The following BTBD9 variants were observed in gnomAD, a reference collection of about 807,000 sequenced individuals.
The protein encoded by BTBD9 is BTB domain containing 9.
In BTBD9, 49 loss-of-function variants were observed where a neutral mutation model predicts 64.3. The observed-to-expected ratio is 0.76, with a 90% CI of 0.61 to 0.97. The LOEUF (loss-of-function observed/expected upper bound fraction) is 0.97, where lower values mean the gene tolerates loss of function less well. Ranked by LOEUF, BTBD9 falls within the 50% of genes least tolerant of loss-of-function variation. BTBD9 has a pLI of 0.00. For missense variants in BTBD9, 598 were observed against 762.1 expected (o/e 0.78, Z 2.53); for synonymous variants, 260 against 274.7 (o/e 0.95, Z 0.53).
chr6:38,593,009 A>G (rs947384046), intron 3 of BTBD9, among the ~76,000 whole-genome samples, 169 bp from the exon 4 acceptor site: 13 of 152,234 alleles, frequency 8.5e-5, no homozygotes, highest in African/African-American at 3.1e-4. Flanking sequence ...GGCTGTGTAA[A>G]CAACCAAGAC....
chr6:38,258,370 A>G (rs1764674849), intron 8 of BTBD9, among the ~76,000 whole-genome samples: 1 of 152,166 alleles, frequency 6.6e-6, no homozygotes, highest in Non-Finnish European at 1.5e-5. Context: ...GGAGACAGAT[A>G]TTGTTTTGTA....
intron 6 of BTBD9, among the ~76,000 whole-genome samples, chr6:38,412,794 G>A (rs1011954210): frequency 1.3e-5 from 2 of 152,088 alleles, no homozygotes; most frequent in Admixed American, 1.3e-4. Context: ...AGGAGGTGGA[G>A]GTTGCAGTGA....
intron 1 of BTBD9, among the ~76,000 whole-genome samples, chr6:38,629,215 A>G (rs570623164): frequency 1.3e-5 from 2 of 152,332 alleles, no homozygotes; most frequent in African/African-American, 4.8e-5. Context: ...TAATGGATTC[A>G]GCAAATAGTC....
intron 6 of BTBD9, among the ~76,000 whole-genome samples, chr6:38,416,976 GC>G (rs776650146): frequency 6.6e-6 from 1 of 151,956 alleles, no homozygotes; most frequent in Non-Finnish European, 1.5e-5. Context: ...TTGCCCTGTT[GC>G]CCAGGCTGGA....
chr6:38,630,010 C>A (rs530722524), intron 1 of BTBD9, among the ~76,000 whole-genome samples: 3 of 151,774 alleles, frequency 2.0e-5, no homozygotes, highest in African/African-American at 4.8e-5. Flanking sequence ...GAGTTTGAGA[C>A]CAGCCTGGCC....
At chr6:38,365,703 A>C (rs1765156179) in intron 6 of BTBD9, among the ~76,000 whole-genome samples, 1 of 151,702 alleles carries the variant, frequency 6.6e-6, no homozygotes, top group South Asian at 2.1e-4. Context: ...GGTTGTGGTG[A>C]ACCAAGCTCA....
At chr6:38,235,060 T>A (rs770131151) in intron 9 of BTBD9, among the ~76,000 whole-genome samples, 1 of 152,230 alleles carries the variant, frequency 6.6e-6, no homozygotes, top group Non-Finnish European at 1.5e-5. Flanking sequence ...TAGTACATAG[T>A]GGGTACACAG....
chr6:38,416,921 G>A (rs1318135833), intron 6 of BTBD9, among the ~76,000 whole-genome samples: 1 of 152,030 alleles, frequency 6.6e-6, no homozygotes, highest in Non-Finnish European at 1.5e-5. Flanking sequence ...CAAGGACCTC[G>A]TGGTTTTGTT....
rs573823778 is a variant in BTBD9 at position 38,287,346 on chromosome 6, T to C, written c.1454+926A>G. Among the ~76,000 whole-genome samples the C allele has an allele frequency of 2.0e-5, 3 of 152,070 alleles. No individual in the cohort carries two copies. The South Asian group carries it at 6.2e-4, about 32-fold the overall frequency. On this transcript the variant is annotated intron_variant, in intron 8 of 10. Coordinates refer to ENST00000481247, the MANE Select transcript of BTBD9 (RefSeq NM_001099272.2). The stretch of plus-strand genomic sequence containing the variant: ...TTAATTGAGATGAGACCTTGTAATG[T>C]TGCCCAAGCTGGTCTCGAACTCCTG...
rs141964166 is a variant in BTBD9 at position 38,174,201 on chromosome 6, G to C, written c.*784C>G. Reference sequence around the variant, plus strand: ...CCTTGTCAGCCTCCCAAGCTTAAAGGCTGGATCCATGTCAGGAATGACAGG... The same window carrying C: ...CCTTGTCAGCCTCCCAAGCTTAAAGCCTGGATCCATGTCAGGAATGACAGG... On this transcript the variant is annotated 3_prime_UTR_variant, in exon 11 of 11. Coordinates refer to ENST00000481247, the MANE Select transcript of BTBD9 (RefSeq NM_001099272.2). 2 of 152,224 alleles carry C rather than the reference G, an allele frequency of 1.3e-5. No homozygotes were observed. Among genetic ancestry groups the C allele is most frequent in the Non-Finnish European group, 2.9e-5 (2 of 68,040 alleles). The allele number at this position is 152,224 out of a possible 1,614,324, so 9.4% of individuals were successfully genotyped here.
chr6:38,219,221 G>A (rs893545330), intron 9 of BTBD9, among the ~76,000 whole-genome samples: 18 of 136,982 alleles, frequency 1.3e-4, no homozygotes, highest in South Asian at 7.2e-4. Context: ...TGCCAGCTCC[G>A]CCTCCTGGGT....
chr6:38,538,029 C>T (rs10947749), intron 6 of BTBD9, among the ~76,000 whole-genome samples: 31,079 of 152,064 alleles, frequency 0.2, 3,655 homozygotes, highest in Non-Finnish European at 0.29. Context: ...AGAAAAATAA[C>T]CTTCTACTTT....
At chr6:38,507,992 C>T (rs558554192) in intron 6 of BTBD9, among the ~76,000 whole-genome samples, 30 of 152,122 alleles carry the variant, frequency 2.0e-4, no homozygotes, top group African/African-American at 7.2e-4. Flanking sequence ...CGCCACCACA[C>T]CCCCCTAATT....
At chr6:38,441,454 G>T (rs890481598) in intron 6 of BTBD9, among the ~76,000 whole-genome samples, 1 of 152,110 alleles carries the variant, frequency 6.6e-6, no homozygotes, top group African/African-American at 2.4e-5. Flanking sequence ...GGGGGTCCCA[G>T]TCTGTCGTCC....
intron 4 of BTBD9, chr6:38,588,164 A>T: frequency 1.3e-6 from 1 of 765,732 alleles, no homozygotes; most frequent in Non-Finnish European, 2.4e-6. Context: ...AAAAAGCCAG[A>T]GTCAGCAGAC....
chr6:38,505,964 C>CAAAATAAAAA, intron 6 of BTBD9, among the ~76,000 whole-genome samples: 1 of 82,628 alleles, frequency 1.2e-5, no homozygotes, highest in Non-Finnish European at 2.4e-5. Flanking sequence ...TCCGTCTCAA[C>CAAAATAAAAA]AAAAAAAAAA....
intron 6 of BTBD9, among the ~76,000 whole-genome samples, chr6:38,348,585 C>T (rs56783945): frequency 0.023 from 3,497 of 152,266 alleles, 130 homozygotes; most frequent in African/African-American, 0.08. Flanking sequence ...ACGCTGTCCA[C>T]GTGAGCCATA....
intron 9 of BTBD9, among the ~76,000 whole-genome samples, chr6:38,208,319 C>T (rs1762723634): frequency 6.6e-6 from 1 of 152,164 alleles, no homozygotes; most frequent in Non-Finnish European, 1.5e-5. Context: ...GCTGACCCCA[C>T]AGCTGCCCAC....
In BTBD9 at chr6:38,174,932, C is replaced by T. The variant is rs193060305; in HGVS notation, c.*53G>A. 2.7e-4 allele frequency: 431 copies of T among 1,595,170 alleles called. 1 individual carries two copies. The African/African-American group carries it at 5.0e-3, about 19-fold the overall frequency. On this transcript the variant is annotated 3_prime_UTR_variant, in exon 11 of 11. Transcript: ENST00000481247. ...AGAGACCCCTGCTCAGGGAGGAGAC[C>T]GTTTCCTGCCGTTGCCCGAGCCCAC...
Sources: gnomAD v4.1 joint callset for allele counts (sites outside exome capture counted in the v4.1 genomes callset) on GRCh38, gnomAD v4.1.1 for gene constraint, MANE v1.5 for transcripts, NCBI Gene and HGNC (gene_info 2026-07-23, HGNC 2026-07-21) for gene names.